Variants in PIWIL3 observed in about 807,000 individuals in gnomAD.
The protein encoded by PIWIL3 is piwi like RNA-mediated gene silencing 3.
In PIWIL3, 101 loss-of-function variants were observed where a neutral mutation model predicts 109.7. The observed-to-expected ratio is 0.92, with a 90% CI of 0.78 to 1.09. The LOEUF is 1.09. PIWIL3 is among the 50% of genes least tolerant of loss of function. The pLI, the probability that PIWIL3 is intolerant of heterozygous loss-of-function variation, is 0.00. For synonymous variants in PIWIL3, 373 were observed against 376.4 expected (o/e 0.99, Z 0.10); for missense variants, 1,031 against 1,072.6 (o/e 0.96, Z 0.54).
At chr22:24,750,678 G>A (rs1422820942) in intron 9 of PIWIL3, among the ~76,000 whole-genome samples, 2 of 149,682 alleles carry the variant, frequency 1.3e-5, no homozygotes, top group Admixed American at 6.6e-5. Flanking sequence ...AGTAGAGACG[G>A]GGTTTCTCCG....
chr22:24,760,025 CCCTACTGTGT>C (rs775471808), intron 2 of PIWIL3, 36 bp from the exon 3 acceptor site: 5 of 1,611,548 alleles, frequency 3.1e-6, no homozygotes, highest in Non-Finnish European at 3.4e-6. Flanking sequence ...ATGAGCAGTG[CCCTACTGTGT>C]TCATTCTCCC....
intron 12 of PIWIL3, among the ~76,000 whole-genome samples, chr22:24,737,299 G>C (rs1261651060): frequency 2.0e-5 from 3 of 152,170 alleles, no homozygotes; most frequent in Admixed American, 2.0e-4. Context: ...TCCCATTCTG[G>C]ACCCTAGCTC....
intron 1 of PIWIL3, among the ~76,000 whole-genome samples, chr22:24,768,578 A>C (rs1450781060): frequency 1.3e-5 from 2 of 152,070 alleles, no homozygotes; most frequent in Admixed American, 6.5e-5. Flanking sequence ...TTCTGCAGAC[A>C]TCAAAGGAAA....
At chr22:24,752,423 G>C (rs1260461759) in intron 8 of PIWIL3, among the ~76,000 whole-genome samples, 1 of 152,120 alleles carries the variant, frequency 6.6e-6, no homozygotes, top group Non-Finnish European at 1.5e-5. Context: ...ATTAGGGTGG[G>C]ATGGCCAGCC....
At chr22:24,744,196 A>AAAAAAAAAAAAAAAAAC (rs1924205723) in intron 12 of PIWIL3, among the ~76,000 whole-genome samples, 1 of 148,082 alleles carries the variant, frequency 6.8e-6, no homozygotes, top group Non-Finnish European at 1.5e-5. Context: ...AAAAAAAAAA[A>AAAAAAAAAAAAAAAAAC]AAAAAAAAAA....
chr22:24,725,618 A>G, intron 16 of PIWIL3, 103 bp from the exon 17 acceptor site: 1 of 1,088,484 alleles, frequency 9.2e-7, no homozygotes, highest in Non-Finnish European at 1.4e-6. Context: ...GTAGTTAAGG[A>G]CATTTTAGCA....
Position 24,755,855 on chromosome 22 carries a change from T to G in PIWIL3, c.621A>C (p.Thr207=), listed in dbSNP as rs370705625. ...TTKDKNIVKI[T]VEFSKELTPT... is the part of the protein sequence containing the mutation. Reference sequence around the variant, plus strand: ...GCGTGAGTTCTTTGGAAAACTCAACTGTAATCTTCACGATGTTTTTGTCTT... The same window carrying G: ...GCGTGAGTTCTTTGGAAAACTCAACGGTAATCTTCACGATGTTTTTGTCTT... The change falls in exon 6 of 21, where the codon ACA becomes ACC. Residue 207 remains threonine (T), a synonymous_variant. Coordinates refer to ENST00000616349, the MANE Select transcript of PIWIL3 (RefSeq NM_001255975.1). The G allele has an allele frequency of 1.2e-6, 2 of 1,613,952 alleles. No individual in the cohort carries two copies. Among genetic ancestry groups the G allele is most frequent in the South Asian group, 1.1e-5 (1 of 91,074 alleles).
intron 14 of PIWIL3, among the ~76,000 whole-genome samples, chr22:24,732,363 C>G (rs1039517926): frequency 1.8e-4 from 27 of 152,126 alleles, no homozygotes; most frequent in African/African-American, 6.5e-4. Context: ...ATTGTGGACA[C>G]GCTTCCCCCA....
At chr22:24,744,951 T>C (rs181325561) in intron 12 of PIWIL3, among the ~76,000 whole-genome samples, 26 of 152,332 alleles carry the variant, frequency 1.7e-4, no homozygotes, top group Non-Finnish European at 3.4e-4. Context: ...CCTCAGTACA[T>C]GGATCATTCA....
At chr22:24,736,138 G>A (rs1374635107) in intron 12 of PIWIL3, among the ~76,000 whole-genome samples, 3 of 152,204 alleles carry the variant, frequency 2.0e-5, no homozygotes, top group African/African-American at 7.2e-5. Flanking sequence ...AGGTTCCTAT[G>A]TAGGCAAAGC....
rs1229440008 is a variant in PIWIL3 at position 24,748,975 on chromosome 22, C to G, written c.1381G>C (p.Asp461His). The G allele has an allele frequency of 6.2e-7, 1 of 1,613,650 alleles. No individual in the cohort carries two copies. The highest frequency in any genetic ancestry group is 1.7e-5 in the Admixed American group (1 of 59,890). ...CCCGGGACGGACAAAAAATTGGTAT[C>G]AAATTTCAAATCCCAGAGTTGAAGT... Reference protein sequence around the residue: ...ELLQLWDLKFDTNFLSVPGRV... With the variant: ...ELLQLWDLKFHTNFLSVPGRV... The change falls in exon 12 of 21, where the codon GAT becomes CAT. Residue 461 changes from aspartate (D) to histidine (H), a missense_variant. Transcript: ENST00000616349.
chr22:24,740,873 A>G (rs950037616), intron 12 of PIWIL3, among the ~76,000 whole-genome samples: 2 of 152,212 alleles, frequency 1.3e-5, no homozygotes, highest in Non-Finnish European at 2.9e-5. Flanking sequence ...ACTATTCCAA[A>G]AGACAAAGAA....
Position 24,727,936 on chromosome 22 carries a change from C to G in PIWIL3, c.2009+14G>C. The G allele has an allele frequency of 1.9e-6, 3 of 1,592,536 alleles. No homozygotes were observed. Among genetic ancestry groups the G allele is most frequent in the Non-Finnish European group, 2.6e-6 (3 of 1,163,810 alleles). Reference sequence around the variant, plus strand: ...TCAGCTACTAACTAAACATGTCTACCAGAGCTTACTTACTTTGTTAATTCA... The same window carrying G: ...TCAGCTACTAACTAAACATGTCTACGAGAGCTTACTTACTTTGTTAATTCA... On this transcript the variant is annotated intron_variant, in intron 16 of 20. Coordinates refer to ENST00000616349, the MANE Select transcript of PIWIL3 (RefSeq NM_001255975.1).
In PIWIL3 at chr22:24,749,833, A is replaced by C. The variant is rs1354340753; in HGVS notation, c.1090-14T>G. ...TTCTTTATGTTGCTGCTCAACAAAC[A>C]AGAGACCAGCATGACCATCAGTGAA... On this transcript the variant is annotated splice_polypyrimidine_tract_variant and intron_variant, in intron 9 of 20. Coordinates refer to ENST00000616349, the MANE Select transcript of PIWIL3 (RefSeq NM_001255975.1). The C allele has an allele frequency of 6.2e-7, 1 of 1,614,022 alleles. No individual in the cohort carries two copies. The highest frequency in any genetic ancestry group is 1.3e-5 in the African/African-American group (1 of 74,978).
intron 1 of PIWIL3, among the ~76,000 whole-genome samples, chr22:24,771,745 T>TA (rs1926144224): frequency 6.6e-6 from 1 of 151,962 alleles, no homozygotes; most frequent in Admixed American, 6.6e-5. Context: ...GCCCTCTTTT[T>TA]TTTTTGGAGA....
chr22:24,746,484 C>T (rs1190930831), intron 12 of PIWIL3, among the ~76,000 whole-genome samples: 2 of 151,928 alleles, frequency 1.3e-5, no homozygotes, highest in African/African-American at 4.8e-5. Flanking sequence ...AAAGCCTTTT[C>T]TCCAAGATCT....
In PIWIL3 at chr22:24,759,917, G is replaced by A. The variant is rs1459359615; in HGVS notation, c.175C>T (p.Gln59Ter). 3 of 1,614,020 alleles carry A rather than the reference G, an allele frequency of 1.9e-6. No individual in the cohort carries two copies. Among genetic ancestry groups the A allele is most frequent in the Non-Finnish European group, 1.7e-6 (2 of 1,180,026 alleles). Residue 59 changes from glutamine to a stop codon, truncating the protein, a stop_gained, in exon 3 of 21, where the codon CAG (glutamine) becomes TAG (stop). Coordinates refer to ENST00000616349, the MANE Select transcript of PIWIL3 (RefSeq NM_001255975.1). LOFTEE classifies it high-confidence loss of function. ...GCTCCTCCTCTTGCTGCTCTTGGCTGCAGAGGTCTAACCACTGGGACTTCC... is the reference window on the plus strand; with the variant it reads ...GCTCCTCCTCTTGCTGCTCTTGGCTACAGAGGTCTAACCACTGGGACTTCC... ...QEEVPVVRPLQPRAARGGAGG... is the reference protein window; with the variant it reads ...QEEVPVVRPL
chr22:24,720,259 GTTTTTTTTTTTTT>G (rs56087060), intron 19 of PIWIL3, among the ~76,000 whole-genome samples: 5 of 105,526 alleles, frequency 4.7e-5, no homozygotes, highest in African/African-American at 1.0e-4. Flanking sequence ...TATTTAAACT[GTTTTTTTTTTTTT>G]TTTTTTTTTT....
At chr22:24,740,332 A>G (rs1923926455) in intron 12 of PIWIL3, among the ~76,000 whole-genome samples, 1 of 151,704 alleles carries the variant, frequency 6.6e-6, no homozygotes. Flanking sequence ...GTGGATCACA[A>G]GGTCAGGAGA....
Sources: gnomAD v4.1 joint callset for allele counts (sites outside exome capture counted in the v4.1 genomes callset) on GRCh38, gnomAD v4.1.1 for gene constraint, MANE v1.5 for transcripts, NCBI Gene and HGNC (gene_info 2026-07-23, HGNC 2026-07-21) for gene names.